The following SMYD3 variants were observed in gnomAD, a reference collection of about 807,000 sequenced individuals.
SMYD3 encodes histone-lysine N-methyltransferase SMYD3.
In SMYD3, 36 loss-of-function variants were observed where a neutral mutation model predicts 57.7. The ratio of observed to expected loss-of-function variants is 0.62; its 90% confidence interval spans 0.48 to 0.82. The LOEUF (loss-of-function observed/expected upper bound fraction) is 0.82. Ranked by LOEUF, SMYD3 falls within the 40% of genes least tolerant of loss-of-function variation. SMYD3 has a pLI of 0.00. For synonymous variants in SMYD3, 211 were observed against 195.0 expected (o/e 1.08, Z -0.68); for missense variants, 515 against 538.8 (o/e 0.96, Z 0.44).
intron 5 of SMYD3, among the ~76,000 whole-genome samples, chr1:246,289,654 T>C (rs1335756477): frequency 6.6e-6 from 1 of 152,238 alleles, no homozygotes; most frequent in African/African-American, 2.4e-5. Context: ...GGACATTTTA[T>C]AAGATAATTC....
At chr1:246,047,678 A>G (rs1469095919) in intron 5 of SMYD3, among the ~76,000 whole-genome samples, 1 of 152,090 alleles carries the variant, frequency 6.6e-6, no homozygotes, top group Non-Finnish European at 1.5e-5. Context: ...CTCTACAAAA[A>G]ACACAAAAAA....
chr1:245,867,208 C>T (rs2051905026), intron 8 of SMYD3, among the ~76,000 whole-genome samples: 1 of 152,168 alleles, frequency 6.6e-6, no homozygotes, highest in African/African-American at 2.4e-5. Flanking sequence ...GGGTGATGTG[C>T]TGTGAGAAGA....
chr1:246,011,073 C>A (rs377534409), intron 5 of SMYD3, among the ~76,000 whole-genome samples: 2 of 152,068 alleles, frequency 1.3e-5, no homozygotes. Context: ...CATTTTAAAT[C>A]GTATTACAAA....
At chr1:245,956,851 T>C (rs947944308) in intron 5 of SMYD3, among the ~76,000 whole-genome samples, 1 of 152,240 alleles carries the variant, frequency 6.6e-6, no homozygotes, top group Non-Finnish European at 1.5e-5. Context: ...CATCCTTTGG[T>C]TTGAACATTG....
chr1:246,201,989 G>A lies in SMYD3; in HGVS notation c.531+125212C>T, dbSNP rs75490325. On this transcript the variant is annotated intron_variant, in intron 5 of 11. Coordinates refer to ENST00000490107, the MANE Select transcript of SMYD3 (RefSeq NM_001167740.2). ...GATCATGCCATTGCACTCCAGCCTG[G>A]GCAACAGAGACTCTGTCTCAATTTA... Among the ~76,000 whole-genome samples, 166 of 150,992 alleles carry A rather than the reference G, an allele frequency of 1.1e-3. 2 individuals are homozygous for A. The East Asian group carries it at 0.026, about 24-fold the overall frequency.
intron 10 of SMYD3, among the ~76,000 whole-genome samples, chr1:245,795,614 G>T (rs189133111): frequency 3.9e-5 from 6 of 152,228 alleles, no homozygotes; most frequent in African/African-American, 1.4e-4. Flanking sequence ...CCTAAAGCAT[G>T]ATCTAACCAT....
chr1:246,254,622 CTT>C (rs2063851194), intron 5 of SMYD3, among the ~76,000 whole-genome samples: 1 of 152,118 alleles, frequency 6.6e-6, no homozygotes, highest in Admixed American at 6.6e-5. Flanking sequence ...TACTTGGACT[CTT>C]TTTTGGTTCT....
intron 1 of SMYD3, among the ~76,000 whole-genome samples, chr1:246,501,064 G>A (rs556099703): frequency 4.6e-5 from 7 of 152,274 alleles, no homozygotes; most frequent in East Asian, 1.9e-4. Context: ...TCAAGCCATC[G>A]TTCAAGGTTC....
At chr1:245,953,414 G>C in intron 5 of SMYD3, 1 of 910,704 alleles carries the variant, frequency 1.1e-6, no homozygotes, top group Non-Finnish European at 1.3e-6. Context: ...TAAAAGTAGG[G>C]TTCAGTTTGT....
intron 10 of SMYD3, among the ~76,000 whole-genome samples, chr1:245,847,275 T>C (rs2050714564): frequency 6.6e-6 from 1 of 152,236 alleles, no homozygotes; most frequent in African/African-American, 2.4e-5. Context: ...TCATTATAAA[T>C]GCCATTATCC....
intron 2 of SMYD3, among the ~76,000 whole-genome samples, chr1:246,337,547 T>C (rs943321518): frequency 6.6e-6 from 1 of 152,294 alleles, no homozygotes; most frequent in South Asian, 2.1e-4. Context: ...CCTTTGATTA[T>C]AGAAGTTGAG....
chr1:246,120,310 G>A (rs189033470), intron 5 of SMYD3, among the ~76,000 whole-genome samples: 12 of 152,130 alleles, frequency 7.9e-5, no homozygotes, highest in East Asian at 1.9e-4. Context: ...TAGCATGTCC[G>A]GAACCCCATC....
At chr1:245,759,048 C>T (rs974397629) in intron 11 of SMYD3, among the ~76,000 whole-genome samples, 27 of 152,320 alleles carry the variant, frequency 1.8e-4, no homozygotes, top group Middle Eastern at 3.4e-3. Flanking sequence ...CTCCTTGTTA[C>T]TACTGAACTC....
intron 1 of SMYD3, among the ~76,000 whole-genome samples, chr1:246,469,565 T>C (rs1337731351): frequency 2.0e-5 from 3 of 151,798 alleles, no homozygotes; most frequent in Non-Finnish European, 2.9e-5. Context: ...AATTTCAGCA[T>C]CAAAATAAAT....
chr1:246,506,987 A>ACCCCCCCCCCCCCCCCCCCCCCCC, intron 1 of SMYD3, 67 bp downstream of exon 1: 2 of 634,734 alleles, frequency 3.2e-6, no homozygotes, highest in Non-Finnish European at 4.4e-6. Flanking sequence ...CGGCCGCCCG[A>ACCCCCCCCCCCCCCCCCCCCCCCC]CGCCCCCCCC....
At chr1:246,087,535 CA>C (rs921295407) in intron 5 of SMYD3, among the ~76,000 whole-genome samples, 2 of 152,024 alleles carry the variant, frequency 1.3e-5, no homozygotes, top group African/African-American at 4.8e-5. Flanking sequence ...GAGGCTCACA[CA>C]AAAAAAGCTA....
intron 10 of SMYD3, among the ~76,000 whole-genome samples, chr1:245,846,431 C>T (rs1256517718): frequency 2.0e-5 from 3 of 152,032 alleles, no homozygotes; most frequent in Non-Finnish European, 4.4e-5. Flanking sequence ...CCACTAGAGC[C>T]CTCTGTAGTG....
chr1:245,899,068 C>T (rs1271633407), intron 8 of SMYD3, among the ~76,000 whole-genome samples: 1 of 152,132 alleles, frequency 6.6e-6, no homozygotes, highest in East Asian at 1.9e-4. Context: ...CAATAATATG[C>T]AGATGTAGAC....
chr1:246,050,993 G>A (rs2060056775), intron 5 of SMYD3, among the ~76,000 whole-genome samples: 1 of 152,044 alleles, frequency 6.6e-6, no homozygotes, highest in Non-Finnish European at 1.5e-5. Flanking sequence ...TAAAAGGATG[G>A]GCAAATTCAA....
Sources: allele counts gnomAD v4.1 joint callset (sites outside exome capture counted in the v4.1 genomes callset), GRCh38; gene constraint gnomAD v4.1.1; transcripts MANE v1.5; gene names NCBI Gene and HGNC (gene_info 2026-07-23, HGNC 2026-07-21).